LUZP1: variants seen among roughly 807,000 people sequenced by gnomAD.
The protein encoded by LUZP1 is filamin mechanobinding actin cross-linking protein.
A neutral mutation model predicts 71.3 loss-of-function variants in LUZP1; 25 were observed. The observed-to-expected ratio is 0.35, with a 90% CI of 0.26 to 0.49. LUZP1 has a LOEUF of 0.49. Ranked by LOEUF, LUZP1 falls within the 20% of genes least tolerant of loss-of-function variation. The pLI, the probability that LUZP1 is intolerant of heterozygous loss-of-function variation, is 0.99. For synonymous variants in LUZP1, 481 were observed against 506.4 expected (o/e 0.95, Z 0.67); for missense variants, 1,142 against 1,300.8 (o/e 0.88, Z 1.88).
chr1:23,085,969 A>G (rs1414474544), exon 5 of LUZP1: 1 of 152,202 alleles, frequency 6.6e-6, no homozygotes, highest in Non-Finnish European at 1.5e-5. Flanking sequence ...TCCAACAACC[A>G]TACACCTGCC....
At chr1:23,164,142 C>A (rs540753761) in intron 2 of LUZP1, 7 of 150,218 alleles carry the variant, frequency 4.7e-5, no homozygotes, top group Non-Finnish European at 7.4e-5. Context: ...TTGCTTCGGG[C>A]AGAGCAAAAA....
intron 2 of LUZP1, among the ~76,000 whole-genome samples, chr1:23,161,656 T>G (rs1644467138): frequency 1.3e-5 from 2 of 152,254 alleles, no homozygotes; most frequent in South Asian, 4.1e-4. Flanking sequence ...GCAATGAGAT[T>G]GGCATAAAAT....
chr1:23,141,686 T>A (rs1223545343), intron 2 of LUZP1, among the ~76,000 whole-genome samples: 3 of 152,040 alleles, frequency 2.0e-5, no homozygotes, highest in Non-Finnish European at 4.4e-5. Context: ...TACTCTAATT[T>A]TTGTGTTTTT....
At chr1:23,127,027 T>C (rs1026801068) in intron 2 of LUZP1, among the ~76,000 whole-genome samples, 2 of 152,220 alleles carry the variant, frequency 1.3e-5, no homozygotes, top group South Asian at 2.1e-4. Context: ...ACACTGTATA[T>C]TGGCAGTCAA....
chr1:23,112,852 G>A (rs776836176), intron 2 of LUZP1, among the ~76,000 whole-genome samples: 3 of 152,208 alleles, frequency 2.0e-5, no homozygotes, highest in African/African-American at 7.2e-5. Context: ...CTCAGGTTCT[G>A]TGTGTAAATT....
intron 4 of LUZP1, 74 bp downstream of exon 3, chr1:23,091,116 A>T (rs904643937): frequency 7.1e-6 from 10 of 1,413,774 alleles, no homozygotes; most frequent in Non-Finnish European, 7.7e-6. Context: ...AGGCCAGAGC[A>T]GAGGGGAAAA....
intron 2 of LUZP1, among the ~76,000 whole-genome samples, chr1:23,162,380 A>G (rs1263953652): frequency 6.6e-6 from 1 of 151,460 alleles, no homozygotes; most frequent in Non-Finnish European, 1.5e-5. Flanking sequence ...TTTTACATGC[A>G]TTTTTCTGTA....
intron 2 of LUZP1, among the ~76,000 whole-genome samples, chr1:23,125,363 C>A (rs1016956228): frequency 2.0e-5 from 3 of 152,038 alleles, no homozygotes; most frequent in Non-Finnish European, 2.9e-5. Context: ...TTTTTTCTAT[C>A]CCCTACCTTG....
chr1:23,165,342 A>G (rs906623740), intron 2 of LUZP1, among the ~76,000 whole-genome samples: 27 of 151,856 alleles, frequency 1.8e-4, no homozygotes, highest in African/African-American at 6.3e-4. Flanking sequence ...TTGTATGTAA[A>G]TTATACCTCA....
chr1:23,152,165 T>C (rs1359562320), intron 2 of LUZP1, among the ~76,000 whole-genome samples: 3 of 152,060 alleles, frequency 2.0e-5, no homozygotes, highest in African/African-American at 7.2e-5. Context: ...CAAATTATGT[T>C]AAAAAAATCA....
At chr1:23,167,862 C>T (rs1037416564) in intron 2 of LUZP1, among the ~76,000 whole-genome samples, 5 of 152,070 alleles carry the variant, frequency 3.3e-5, no homozygotes, top group Non-Finnish European at 5.9e-5. Flanking sequence ...CTCCGGGAAG[C>T]CATGGCTCCT....
intron 2 of LUZP1, among the ~76,000 whole-genome samples, chr1:23,142,659 G>A (rs1644312195): frequency 6.7e-6 from 1 of 149,750 alleles, no homozygotes; most frequent in African/African-American, 2.5e-5. Flanking sequence ...TGGGCACACA[G>A]GCATCCAATA....
intron 2 of LUZP1, among the ~76,000 whole-genome samples, chr1:23,156,053 T>C (rs773746841): frequency 1.1e-4 from 16 of 152,230 alleles, no homozygotes; most frequent in Non-Finnish European, 4.4e-5. Context: ...ACCATTTTTC[T>C]ATTTGAGTTC....
intron 2 of LUZP1, among the ~76,000 whole-genome samples, chr1:23,116,119 G>A (rs984392371): frequency 6.6e-6 from 1 of 152,052 alleles, no homozygotes; most frequent in African/African-American, 2.4e-5. Context: ...AGTGACTCAC[G>A]CCTACAATCC....
chr1:23,094,531 A>G lies in LUZP1; in HGVS notation c.-119-151T>C, dbSNP rs1643882868. Among the ~76,000 whole-genome samples, 1 of 152,238 alleles carries G rather than the reference A, an allele frequency of 6.6e-6. No individual in the cohort carries two copies. Among genetic ancestry groups the G allele is most frequent in the South Asian group, 2.1e-4 (1 of 4,828 alleles). On this transcript the variant is annotated intron_variant, in intron 3 of 4. Coordinates refer to ENST00000302291, the Ensembl canonical transcript of LUZP1. The surrounding 1 kb of genome is among the most constrained non-coding windows in gnomAD (Gnocchi z 4.7). Reference sequence around the variant, plus strand: ...GAATGAATGACTTGAATAAACCTGCAAGAAAACACTGGTTCTTTATGGCCG... The same window carrying G: ...GAATGAATGACTTGAATAAACCTGCGAGAAAACACTGGTTCTTTATGGCCG...
chr1:23,093,417 T>C lies in LUZP1; in HGVS notation c.845A>G (p.Asn282Ser), dbSNP rs202165883. The stretch of plus-strand genomic sequence containing the variant: ...GTCTTTGACTTTGTTGTCTTCCTGA[T>C]TGCGGTTCTTTTCATTTTCTGATTT... The change falls in exon 4 of 5, where the codon AAT becomes AGT. Residue 282 changes from asparagine (N) to serine (S), a missense_variant. Physicochemically the swap from Asn to Ser is conservative, Grantham distance 46 (BLOSUM62 1). Transcript: ENST00000302291. This position sits in a 1 kb window ranked among gnomAD's most constrained non-coding sequence, Gnocchi z 4.2. The C allele has an allele frequency of 5.6e-6, 9 of 1,613,822 alleles. No homozygotes were observed. Among genetic ancestry groups the C allele is most frequent in the Middle Eastern group, 1.7e-4 (1 of 6,060 alleles).
exon 4 of LUZP1, chr1:23,091,803 G>T (rs1370382226): frequency 1.9e-6 from 3 of 1,614,088 alleles, no homozygotes; most frequent in South Asian, 1.1e-5. Context: ...ATTGCTAGTG[G>T]ATGTGTGCCT....
chr1:23,135,743 A>G (rs1434727070), intron 2 of LUZP1, among the ~76,000 whole-genome samples: 2 of 152,222 alleles, frequency 1.3e-5, no homozygotes, highest in Non-Finnish European at 2.9e-5. Context: ...AGAGAATATT[A>G]TTAAAATTTT....
intron 3 of LUZP1, among the ~76,000 whole-genome samples, chr1:23,095,900 A>G (rs1017481030): frequency 6.6e-6 from 1 of 152,168 alleles, no homozygotes; most frequent in African/African-American, 2.4e-5. Context: ...CTGAGCAAAC[A>G]AAAGTACTCT....
Sources: gnomAD v4.1 joint callset for allele counts (sites outside exome capture counted in the v4.1 genomes callset) on GRCh38, gnomAD v4.1.1 for gene constraint, Gnocchi (gnomAD v3.1) non-coding constraint, MANE v1.5 for transcripts, NCBI Gene and HGNC (gene_info 2026-07-23, HGNC 2026-07-21) for gene names.